The following DCAKD variants were observed in gnomAD, a reference collection of about 807,000 sequenced individuals.
The protein encoded by DCAKD is dephospho-CoA kinase domain-containing protein.
A neutral mutation model predicts 18.7 loss-of-function variants in DCAKD; 15 were observed. The ratio of observed to expected loss-of-function variants is 0.80; its 90% confidence interval spans 0.54 to 1.24. DCAKD has a LOEUF of 1.24. DCAKD is among the 50% of genes most tolerant of loss of function. The pLI is 0.00. For missense variants in DCAKD, 301 were observed against 322.0 expected, an observed-to-expected ratio of 0.93 and a Z score of 0.50; for synonymous variants, 130 against 133.0, an observed-to-expected ratio of 0.98 and a Z score of 0.16.
upstream of DCAKD, among the ~76,000 whole-genome samples, chr17:45,052,274 C>T (rs989985821): frequency 2.0e-5 from 3 of 152,142 alleles, no homozygotes; most frequent in Non-Finnish European, 4.4e-5. Context: ...ATATAAAGCT[C>T]GGCCACTCGC....
At chr17:45,037,606 C>T (rs1050768137) in intron 1 of DCAKD, among the ~76,000 whole-genome samples, 9 of 151,910 alleles carry the variant, frequency 5.9e-5, no homozygotes, top group Admixed American at 3.9e-4. Context: ...TTACATGCAG[C>T]CGTCACCATG....
intron 3 of DCAKD, chr17:45,031,167 A>T (rs989947430): frequency 1.0e-6 from 1 of 985,296 alleles, no homozygotes; most frequent in Non-Finnish European, 1.2e-6. Context: ...AGAACCAGAC[A>T]CACATCACAC....
Position 45,034,294 on chromosome 17 carries a change from C to T in DCAKD, c.209G>A (p.Gly70Glu). 6.2e-7 allele frequency: 1 copy of T among 1,614,202 alleles called. No individual in the cohort carries two copies. Among genetic ancestry groups the T allele is most frequent in the Non-Finnish European group, 8.5e-7 (1 of 1,180,044 alleles). The change falls in exon 3 of 5, where the codon GGG becomes GAG. Residue 70 changes from glycine to glutamate, a missense_variant. By Grantham distance (98) the Gly-to-Glu change is moderately conservative. Coordinates refer to ENST00000651974, the MANE Select transcript of DCAKD (RefSeq NM_001288655.2). ...ENGDINRKVL[G>E]DLIFNQPDRR... is the part of the protein sequence containing the mutation. The stretch of plus-strand genomic sequence containing the variant: ...GTCAGGCTGGTTAAAGATCAGGTCC[C>T]CCAGGACCTTGCGATTTATGTCGCC...
At position 45,036,096 on chromosome 17, in the gene DCAKD, C is replaced by T. The variant is rs569001788; in HGVS notation, c.-114-1097G>A. On this transcript the variant is annotated intron_variant, in intron 1 of 4. Coordinates refer to ENST00000651974, the MANE Select transcript of DCAKD (RefSeq NM_001288655.2). The stretch of plus-strand genomic sequence containing the variant: ...GTCCTCAGACCAAGCAGCGGCAGCA[C>T]GGCACAAAGGTTGGGGCATGGCTTC... Among the ~76,000 whole-genome samples, 13 of 152,304 alleles carry T rather than the reference C, an allele frequency of 8.5e-5. No homozygotes were observed. The East Asian group carries it at 1.7e-3, about 20-fold the overall frequency.
chr17:45,034,167 C>T lies in DCAKD; in HGVS notation c.316+20G>A. 1 of 1,453,118 alleles carries T rather than the reference C, an allele frequency of 6.9e-7. No homozygotes were observed. The allele number at this position is 1,453,118 out of a possible 1,614,324, so 90.0% of individuals were successfully genotyped here. ...CCCTGGAAGGAGGCCCCGCCCCCCG[C>T]CCCAGGCCCTGGCACTTACCCCGGA... On this transcript the variant is annotated intron_variant, in intron 3 of 4. Coordinates refer to ENST00000651974, the MANE Select transcript of DCAKD (RefSeq NM_001288655.2).
chr17:45,044,269 C>T (rs1332477570), intron 1 of DCAKD, among the ~76,000 whole-genome samples: 2 of 152,092 alleles, frequency 1.3e-5, no homozygotes, highest in African/African-American at 2.4e-5. Context: ...CAGTCCCAGA[C>T]AAGGCTCTTC....
At chr17:45,057,503 G>A (rs533846067) in intron 1 of DCAKD, among the ~76,000 whole-genome samples, 45 of 151,986 alleles carry the variant, frequency 3.0e-4, no homozygotes, top group Non-Finnish European at 5.4e-4. Flanking sequence ...AGGAGTTGGA[G>A]ACCAGCCTGG....
At chr17:45,039,240 G>C (rs1215853712) in intron 1 of DCAKD, among the ~76,000 whole-genome samples, 1 of 152,272 alleles carries the variant, frequency 6.6e-6, no homozygotes, top group African/African-American at 2.4e-5. Flanking sequence ...CCTGCCAGCA[G>C]CTCCCTGTCA....
At chr17:45,046,207 T>C (rs962135194) in intron 1 of DCAKD, among the ~76,000 whole-genome samples, 1 of 152,092 alleles carries the variant, frequency 6.6e-6, no homozygotes, top group African/African-American at 2.4e-5. Context: ...TGACAATATA[T>C]TGGGCTAAAA....
chr17:45,034,508 A>C, intron 2 of DCAKD, 118 bp from the exon 3 acceptor site: 1 of 1,170,730 alleles, frequency 8.5e-7, no homozygotes, highest in Non-Finnish European at 1.2e-6. Flanking sequence ...GTGGAGCAAA[A>C]GCAAAATGAG....
chr17:45,057,204 A>G (rs1424729199), intron 1 of DCAKD, among the ~76,000 whole-genome samples: 2 of 151,848 alleles, frequency 1.3e-5, no homozygotes, highest in African/African-American at 2.4e-5. Flanking sequence ...CCACAATGCC[A>G]CGCTAATTTT....
chr17:45,026,705 G>A (rs559369676), intron 4 of DCAKD: 18 of 985,354 alleles, frequency 1.8e-5, no homozygotes, highest in Admixed American at 1.2e-4. Flanking sequence ...TGAATTATAC[G>A]AGCTATAGAT....
At chr17:45,028,573 C>G (rs1341766018) in intron 4 of DCAKD, among the ~76,000 whole-genome samples, 1 of 151,564 alleles carries the variant, frequency 6.6e-6, no homozygotes, top group African/African-American at 2.4e-5. Context: ...CCATGCCTGG[C>G]TAATTTTTGT....
upstream of DCAKD, among the ~76,000 whole-genome samples, chr17:45,056,026 G>A (rs905710561): frequency 6.6e-6 from 1 of 151,910 alleles, no homozygotes; most frequent in Non-Finnish European, 1.5e-5. Context: ...ATGGTGGCTC[G>A]CACCTGTAAT....
chr17:45,054,926 A>C (rs1431321002), upstream of DCAKD, among the ~76,000 whole-genome samples: 1 of 152,128 alleles, frequency 6.6e-6, no homozygotes, highest in Middle Eastern at 3.2e-3. Context: ...TATTATAACT[A>C]TTCATGTACA....
At chr17:45,043,766 C>T (rs1364959038) in intron 1 of DCAKD, among the ~76,000 whole-genome samples, 1 of 152,142 alleles carries the variant, frequency 6.6e-6, no homozygotes, top group Non-Finnish European at 1.5e-5. Context: ...TTTTTCTATA[C>T]AATTCTGGGT....
chr17:45,026,981 TA>T (rs2053069129), intron 4 of DCAKD, among the ~76,000 whole-genome samples: 1 of 152,236 alleles, frequency 6.6e-6, no homozygotes, highest in African/African-American at 2.4e-5. Flanking sequence ...CTAGTTAGTC[TA>T]AGACTTGGTA....
chr17:45,045,342 G>T (rs977180197), intron 1 of DCAKD, among the ~76,000 whole-genome samples: 3 of 152,166 alleles, frequency 2.0e-5, no homozygotes, highest in African/African-American at 7.2e-5. Context: ...CACATTACTT[G>T]GCTTTGTGTT....
At chr17:45,058,321 TAATA>T (rs1406837909) in intron 1 of DCAKD, among the ~76,000 whole-genome samples, 1 of 152,040 alleles carries the variant, frequency 6.6e-6, no homozygotes, top group African/African-American at 2.4e-5. Flanking sequence ...TCAAAAATAA[TAATA>T]AATAAAAATA....
Sources: allele counts gnomAD v4.1 joint callset (sites outside exome capture counted in the v4.1 genomes callset), GRCh38; gene constraint gnomAD v4.1.1; transcripts MANE v1.5; gene names NCBI Gene and HGNC (gene_info 2026-07-23, HGNC 2026-07-21).